Variants in ZNF79 observed in about 807,000 individuals in gnomAD.
The protein encoded by ZNF79 is zinc finger protein 79, also known as ZNFpT7.
ZNF79 carries 13 observed loss-of-function variants against 14.9 expected under a neutral mutation model. The observed-to-expected ratio is 0.87, with a 90% CI of 0.57 to 1.38. The LOEUF is 1.38. Among genes scored for constraint, ZNF79 ranks in the 40% most tolerant of loss-of-function variants. The pLI, the probability that ZNF79 is intolerant of heterozygous loss-of-function variation, is 0.00. For missense variants in ZNF79, 631 were observed against 630.6 expected, an observed-to-expected ratio of 1.00 and a Z score of -0.01; for synonymous variants, 223 against 235.1, an observed-to-expected ratio of 0.95 and a Z score of 0.47.
At chr9:127,441,027 C>A (rs890221692) in intron 4 of ZNF79, among the ~76,000 whole-genome samples, 8 of 152,180 alleles carry the variant, frequency 5.3e-5, no homozygotes, top group African/African-American at 1.9e-4. Flanking sequence ...TTGTGAGCAT[C>A]ATGTGGTCCT....
At chr9:127,426,268 C>T (rs1041861584) in intron 1 of ZNF79, among the ~76,000 whole-genome samples, 10 of 152,246 alleles carry the variant, frequency 6.6e-5, no homozygotes, top group African/African-American at 2.4e-4. Flanking sequence ...GCAGTGACTC[C>T]CCAGTCCCTC....
rs1241428348 is a variant in ZNF79 at position 127,444,146 on chromosome 9, A to G, written c.446A>G (p.Lys149Arg). ...GACCACGGGACCAGTGACCTTGAGA[A>G]GAGCTTCAATCTGAGACCAGTCCTC... The part of the protein sequence containing the change: ...DSDHGTSDLE[K>R]SFNLRPVLSP... Residue 149 changes from lysine (K) to arginine (R), a missense_variant, in exon 5 of 5, where the codon AAG becomes AGG. Physicochemically the swap from Lys to Arg is conservative, Grantham distance 26. Coordinates refer to ENST00000342483, the MANE Select transcript of ZNF79 (RefSeq NM_007135.3). 1 of 1,613,848 alleles carries G rather than the reference A, an allele frequency of 6.2e-7. No homozygotes were observed. The highest frequency in any genetic ancestry group is 8.5e-7 in the Non-Finnish European group (1 of 1,180,038).
At chr9:127,442,995 A>T (rs1033807783) in intron 4 of ZNF79, among the ~76,000 whole-genome samples, 3 of 152,194 alleles carry the variant, frequency 2.0e-5, no homozygotes, top group African/African-American at 4.8e-5. Flanking sequence ...ATCTTGTCCA[A>T]CTGGAAGATC....
intron 1 of ZNF79, among the ~76,000 whole-genome samples, chr9:127,427,870 T>C (rs1833788768): frequency 6.6e-6 from 1 of 152,190 alleles, no homozygotes; most frequent in African/African-American, 2.4e-5. Context: ...TTTGAAGATA[T>C]CCAACTTACC....
chr9:127,433,359 C>A (rs940211818), intron 2 of ZNF79, among the ~76,000 whole-genome samples: 1 of 152,070 alleles, frequency 6.6e-6, no homozygotes, highest in Non-Finnish European at 1.5e-5. Flanking sequence ...TGAACAGAGG[C>A]CCCATTCCCT....
intron 2 of ZNF79, among the ~76,000 whole-genome samples, chr9:127,429,301 C>T (rs1459784233): frequency 1.3e-5 from 2 of 151,866 alleles, no homozygotes; most frequent in African/African-American, 2.4e-5. Context: ...CAGGTGTGAG[C>T]CACTGTGGTT....
chr9:127,444,609 G>T lies in ZNF79; in HGVS notation c.909G>T (p.Lys303Asn), dbSNP rs148184910. The change falls in exon 5 of 5, where the codon AAG (lysine) becomes AAT (asparagine). Residue 303 changes from lysine (K) to asparagine (N), a missense_variant. Coordinates refer to ENST00000342483, the MANE Select transcript of ZNF79 (RefSeq NM_007135.3). Reference protein sequence around the residue: ...VQHQRIHTGEKPYECSDCGKA... With the variant: ...VQHQRIHTGENPYECSDCGKA... ...ATCAGAGAATTCATACCGGAGAGAA[G>T]CCCTACGAATGCAGCGACTGTGGGA... is the stretch of plus-strand genomic sequence containing the variant. The T allele has an allele frequency of 5.6e-5, 90 of 1,613,968 alleles. No homozygotes were observed. The highest frequency in any genetic ancestry group is 7.3e-5 in the Non-Finnish European group (86 of 1,180,030).
chr9:127,427,871 C>G (rs755527469), intron 1 of ZNF79, among the ~76,000 whole-genome samples: 3 of 152,110 alleles, frequency 2.0e-5, no homozygotes, highest in Non-Finnish European at 4.4e-5. Flanking sequence ...TTGAAGATAT[C>G]CAACTTACCT....
chr9:127,442,418 AAAG>A (rs1834066083), intron 4 of ZNF79, among the ~76,000 whole-genome samples: 1 of 151,936 alleles, frequency 6.6e-6, no homozygotes, highest in African/African-American at 2.4e-5. Flanking sequence ...AAAAAAAAGA[AAAG>A]AAAAGGTATG....
chr9:127,426,584 C>T (rs1347906893), intron 1 of ZNF79, among the ~76,000 whole-genome samples: 1 of 152,154 alleles, frequency 6.6e-6, no homozygotes, highest in Non-Finnish European at 1.5e-5. Context: ...CTGTGTTGGC[C>T]AGGCTGGTCT....
chr9:127,444,506 G>A lies in ZNF79; in HGVS notation c.806G>A (p.Arg269Gln), dbSNP rs148604589. Residue 269 changes from arginine (R) to glutamine (Q), a missense_variant, in exon 5 of 5, where the codon CGA (arginine) becomes CAA (glutamine). Transcript: ENST00000342483. ...SQNANLTKHQRTHTGEKPYRC... is the reference protein window; with the variant it reads ...SQNANLTKHQQTHTGEKPYRC... ...AACGCCAACCTCACCAAACACCAGCGAACCCACACCGGAGAGAAGCCCTAC... is the reference window on the plus strand; with the variant it reads ...AACGCCAACCTCACCAAACACCAGCAAACCCACACCGGAGAGAAGCCCTAC... The A allele has an allele frequency of 5.2e-5, 83 of 1,610,946 alleles. No individual in the cohort carries two copies. Among genetic ancestry groups the A allele is most frequent in the East Asian group, 2.0e-4 (9 of 44,866 alleles).
Position 127,425,598 on chromosome 9 carries a change from T to C in ZNF79, c.16+795T>C, listed in dbSNP as rs1278819093. ...TTGTATTTGTTTTTTTTTGTTTGTTTTGTTTTGTTTTTGAGACAGAGTCTC... is the reference window on the plus strand; with the variant it reads ...TTGTATTTGTTTTTTTTTGTTTGTTCTGTTTTGTTTTTGAGACAGAGTCTC... On this transcript the variant is annotated intron_variant, in intron 1 of 4. Coordinates refer to ENST00000342483, the MANE Select transcript of ZNF79 (RefSeq NM_007135.3). Among the ~76,000 whole-genome samples the C allele has an allele frequency of 2.6e-5, 4 of 152,098 alleles. No individual in the cohort carries two copies. In the South Asian group the frequency reaches 8.3e-4, roughly 31 times the overall value.
At chr9:127,424,941 T>G in intron 1 of ZNF79, 138 bp downstream of exon 1, 1 of 1,529,462 alleles carries the variant, frequency 6.5e-7, no homozygotes, top group Non-Finnish European at 8.8e-7. Context: ...TTTCTTTCTT[T>G]GCCCATGACA....
intron 4 of ZNF79, among the ~76,000 whole-genome samples, chr9:127,440,098 G>C (rs1222368841): frequency 6.6e-6 from 1 of 152,172 alleles, no homozygotes; most frequent in Non-Finnish European, 1.5e-5. Flanking sequence ...TCCTGACCTC[G>C]TGATCTGCCT....
chr9:127,424,495 AG>A lies in ZNF79; in HGVS notation c.-292del. On this transcript the variant is annotated 5_prime_UTR_variant, in exon 1 of 5. Coordinates refer to ENST00000342483, the MANE Select transcript of ZNF79 (RefSeq NM_007135.3). ...AGATTGTTGCCAGTTGCCAGTTGCC[AG>A]TCGTTTTTCGGAAAGCTGGCAGCGG... The A allele has an allele frequency of 2.5e-6, 1 of 398,242 alleles. No homozygotes were observed. The highest frequency in any genetic ancestry group is 3.6e-5 in the South Asian group (1 of 27,894). 24.7% of individuals were successfully genotyped at this position (398,242 alleles called of 1,614,324 possible). A position where few individuals can be genotyped will look rare whatever the true frequency, so the allele number is the denominator to read the frequency against.
chr9:127,438,593 G>C (rs1388974098), intron 4 of ZNF79, among the ~76,000 whole-genome samples: 1 of 152,182 alleles, frequency 6.6e-6, no homozygotes, highest in Non-Finnish European at 1.5e-5. Context: ...GAACACTGTA[G>C]ACTGAGTGAG....
intron 4 of ZNF79, among the ~76,000 whole-genome samples, chr9:127,443,718 G>A (rs1341815806): frequency 1.3e-5 from 2 of 151,922 alleles, no homozygotes; most frequent in African/African-American, 4.8e-5. Context: ...TGGCTAACAC[G>A]GTGAAACCCC....
intron 1 of ZNF79, among the ~76,000 whole-genome samples, chr9:127,426,900 C>G (rs1833765195): frequency 6.6e-6 from 1 of 152,158 alleles, no homozygotes; most frequent in African/African-American, 2.4e-5. Flanking sequence ...GCATCATTTT[C>G]TATTCTCAGC....
chr9:127,437,338 G>GCCCCCCCGCTTCCTTCTCTCAAGGC (rs1833967388), intron 4 of ZNF79, among the ~76,000 whole-genome samples: 1 of 149,036 alleles, frequency 6.7e-6, no homozygotes, highest in African/African-American at 2.5e-5. Context: ...TTCTCTCAAG[G>GCCCCCCCGCTTCCTTCTCTCAAGGC]CCCCCCCCCG....
Sources: gnomAD v4.1 joint callset for allele counts (sites outside exome capture counted in the v4.1 genomes callset) on GRCh38, gnomAD v4.1.1 for gene constraint, MANE v1.5 for transcripts, NCBI Gene and HGNC (gene_info 2026-07-23, HGNC 2026-07-21) for gene names.